Variants in SLC39A10 observed in about 807,000 individuals in gnomAD.
SLC39A10 encodes the protein solute carrier family 39 member 10.
SLC39A10 carries 13 observed loss-of-function variants against 65.1 expected under a neutral mutation model. That is an observed-to-expected ratio of 0.20 (90% CI 0.13 to 0.32). The LOEUF (loss-of-function observed/expected upper bound fraction) is 0.32, where lower values mean the gene tolerates loss of function less well. SLC39A10 is among the 10% of genes least tolerant of loss of function. The probability of loss-of-function intolerance (pLI) is 1.00; values close to 1 mark genes in which losing one functional copy is unlikely to be tolerated. For synonymous variants in SLC39A10, 321 were observed against 342.2 expected, an observed-to-expected ratio of 0.94 and a Z score of 0.68; for missense variants, 831 against 1,018.4, an observed-to-expected ratio of 0.82 and a Z score of 2.50.
chr2:195,697,577 C>G (rs1398460394), intron 3 of SLC39A10, among the ~76,000 whole-genome samples: 2 of 152,094 alleles, frequency 1.3e-5, no homozygotes, highest in African/African-American at 4.8e-5. Flanking sequence ...TGATGCTGTC[C>G]CTCCCCACCT....
chr2:195,707,843 T>C (rs1408289072), intron 4 of SLC39A10, among the ~76,000 whole-genome samples: 1 of 152,174 alleles, frequency 6.6e-6, no homozygotes, highest in Non-Finnish European at 1.5e-5. Flanking sequence ...ATCTCTTTGG[T>C]TGACCACTAG....
intron 5 of SLC39A10, among the ~76,000 whole-genome samples, chr2:195,711,866 C>A (rs1294098079): frequency 1.3e-5 from 2 of 152,178 alleles, no homozygotes; most frequent in Admixed American, 1.3e-4. Context: ...GCTCCTCCTT[C>A]CCCTTTTTCC....
chr2:195,644,016 G>T (rs1470641269), intron 2 of SLC39A10, among the ~76,000 whole-genome samples: 1 of 152,136 alleles, frequency 6.6e-6, no homozygotes, highest in Non-Finnish European at 1.5e-5. Flanking sequence ...TAAAAGATGT[G>T]TTTTGCTTTC....
chr2:195,613,135 G>A (rs1574471562), intron 2 of SLC39A10, among the ~76,000 whole-genome samples: 1 of 151,738 alleles, frequency 6.6e-6, no homozygotes, highest in East Asian at 1.9e-4. Context: ...CTGTTCATAG[G>A]GACCATCAAC....
chr2:195,713,369 T>G (rs1475377297), intron 5 of SLC39A10, 64 bp from the exon 6 acceptor site: 2 of 1,317,540 alleles, frequency 1.5e-6, no homozygotes, highest in Non-Finnish European at 2.0e-6. Flanking sequence ...TGAGTCAATA[T>G]TGTTGCTAAT....
intron 8 of SLC39A10, among the ~76,000 whole-genome samples, chr2:195,718,738 C>T (rs192503027): frequency 6.6e-6 from 1 of 151,924 alleles, no homozygotes; most frequent in East Asian, 1.9e-4. Context: ...GAAAGTTGTC[C>T]TAGATGTACC....
At chr2:195,720,995 G>GATGCC (rs1282114454) in intron 8 of SLC39A10, among the ~76,000 whole-genome samples, 2 of 152,158 alleles carry the variant, frequency 1.3e-5, no homozygotes, top group Non-Finnish European at 2.9e-5. Context: ...AGGCTGGAGT[G>GATGCC]CAGTGGCTTG....
intron 4 of SLC39A10, among the ~76,000 whole-genome samples, chr2:195,707,157 A>T (rs1691432001): frequency 6.6e-6 from 1 of 152,140 alleles, no homozygotes; most frequent in African/African-American, 2.4e-5. Flanking sequence ...TTTGAGCGGG[A>T]GTAGGCAGAT....
rs1692331284 is a variant in SLC39A10, at chr2:195,728,767, A to G, written c.2337+418A>G. Among the ~76,000 whole-genome samples, 2 of 152,120 alleles carry G rather than the reference A, an allele frequency of 1.3e-5. No homozygotes were observed. The highest frequency in any genetic ancestry group is 2.1e-4 in the South Asian group (1 of 4,828). On this transcript the variant is annotated intron_variant, in intron 9 of 9. Coordinates refer to ENST00000359634, the MANE Select transcript of SLC39A10 (RefSeq NM_020342.3). The surrounding 1 kb of genome is among the most constrained non-coding windows in gnomAD (Gnocchi z 4.4). ...GTATATATTCCATAGGATTTATGTA[A>G]TTTCTCTTATTTCTAAATTTAGCTT...
chr2:195,621,622 T>C (rs112011153), intron 2 of SLC39A10, among the ~76,000 whole-genome samples: 40 of 152,348 alleles, frequency 2.6e-4, no homozygotes, highest in African/African-American at 7.9e-4. Context: ...GAAGTGGCAG[T>C]GGCAGAAGGT....
intron 1 of SLC39A10, among the ~76,000 whole-genome samples, chr2:195,664,003 A>G (rs1264956557): frequency 6.6e-6 from 1 of 152,104 alleles, no homozygotes; most frequent in Non-Finnish European, 1.5e-5. Flanking sequence ...TGTATATAAC[A>G]TCTTATGAAA....
chr2:195,722,375 G>A (rs550511102), intron 8 of SLC39A10, among the ~76,000 whole-genome samples: 1 of 152,340 alleles, frequency 6.6e-6, no homozygotes, highest in African/African-American at 2.4e-5. Flanking sequence ...TCTTCTGGAG[G>A]TGACAGAAAG....
intron 3 of SLC39A10, among the ~76,000 whole-genome samples, chr2:195,697,906 T>C (rs1306271987): frequency 6.6e-6 from 1 of 152,094 alleles, no homozygotes; most frequent in Non-Finnish European, 1.5e-5. Flanking sequence ...TTTTGTAGTT[T>C]TCATTGTACA....
Position 195,713,425 on chromosome 2 carries a change from T to C in SLC39A10, c.1576-8T>C. 1.9e-6 allele frequency: 3 copies of C among 1,540,618 alleles called. No individual in the cohort carries two copies. Among genetic ancestry groups the C allele is most frequent in the Non-Finnish European group, 2.6e-6 (3 of 1,151,612 alleles). On this transcript the variant is annotated splice_polypyrimidine_tract_variant and splice_region_variant and intron_variant, in intron 5 of 9. Coordinates refer to ENST00000359634, the MANE Select transcript of SLC39A10 (RefSeq NM_020342.3). ...TAATATCAGATACTATTTTTTTTCTTTTTTTAGGGAAAACAGAAATGGTTT... is the reference window on the plus strand; with the variant it reads ...TAATATCAGATACTATTTTTTTTCTCTTTTTAGGGAAAACAGAAATGGTTT...
chr2:195,639,154 G>A (rs1688752461), intron 2 of SLC39A10, among the ~76,000 whole-genome samples: 1 of 152,090 alleles, frequency 6.6e-6, no homozygotes, highest in Non-Finnish European at 1.5e-5. Flanking sequence ...GTCTTGCTAT[G>A]TTGCCCAGGC....
At chr2:195,709,379 G>A (rs926772530) in intron 5 of SLC39A10, among the ~76,000 whole-genome samples, 8 of 152,126 alleles carry the variant, frequency 5.3e-5, no homozygotes, top group Non-Finnish European at 7.4e-5. Flanking sequence ...CCATAGCTGC[G>A]CACCACCATG....
chr2:195,666,943 T>C (rs41416845), intron 1 of SLC39A10, among the ~76,000 whole-genome samples: 22,376 of 152,196 alleles, frequency 0.15, 1,934 homozygotes, highest in African/African-American at 0.23. Flanking sequence ...TTCCCTGTAA[T>C]GAAAGGCTGA....
intron 2 of SLC39A10, among the ~76,000 whole-genome samples, chr2:195,631,937 G>A (rs1688594080): frequency 6.6e-6 from 1 of 152,064 alleles, no homozygotes. Flanking sequence ...CATCCAGGCT[G>A]GAGTGCAGTG....
intron 3 of SLC39A10, among the ~76,000 whole-genome samples, chr2:195,691,053 C>G (rs1004342354): frequency 3.3e-5 from 5 of 152,060 alleles, no homozygotes; most frequent in Admixed American, 6.6e-5. Flanking sequence ...ATTTTTATGC[C>G]TTTGTATCCT....
Sources: gnomAD v4.1 joint callset for allele counts (sites outside exome capture counted in the v4.1 genomes callset) on GRCh38, gnomAD v4.1.1 for gene constraint, Gnocchi (gnomAD v3.1) non-coding constraint, MANE v1.5 for transcripts, NCBI Gene and HGNC (gene_info 2026-07-23, HGNC 2026-07-21) for gene names.